ELAVL4: variants seen among roughly 807,000 people sequenced by gnomAD.
ELAVL4 encodes the protein ELAV-like protein 4.
A neutral mutation model predicts 35.6 loss-of-function variants in ELAVL4; 1 was observed. The ratio of observed to expected loss-of-function variants is 0.03; its 90% CI spans 0.01 to 0.13. The LOEUF is 0.13. ELAVL4 is among the 10% of genes least tolerant of loss of function. The pLI is 1.00. For missense variants in ELAVL4, 267 were observed against 464.9 expected (o/e 0.57, Z 3.91); for synonymous variants, 156 against 171.0 (o/e 0.91, Z 0.69).
chr1:50,194,957 A>T (rs756727699), intron 4 of ELAVL4, among the ~76,000 whole-genome samples: 5 of 152,192 alleles, frequency 3.3e-5, no homozygotes, highest in African/African-American at 4.8e-5. Flanking sequence ...GTGAGCCTCA[A>T]TAGGGAATTT....
At chr1:50,074,761 G>A (rs892294757) in intron 1 of ELAVL4, among the ~76,000 whole-genome samples, 14 of 152,142 alleles carry the variant, frequency 9.2e-5, no homozygotes, top group African/African-American at 3.4e-4. Context: ...AGGGGACAGT[G>A]GATCAGTCTG....
At chr1:50,197,590 C>G in intron 6 of ELAVL4, 123 bp downstream of exon 6, 1 of 843,614 alleles carries the variant, frequency 1.2e-6, no homozygotes, top group Non-Finnish European at 1.7e-6. Flanking sequence ...CTTCCACCAG[C>G]ATGTCAAATT....
chr1:50,127,944 C>T (rs1670224116), intron 1 of ELAVL4, among the ~76,000 whole-genome samples: 1 of 152,090 alleles, frequency 6.6e-6, no homozygotes, highest in Non-Finnish European at 1.5e-5. Flanking sequence ...AATAACATGC[C>T]AGGCGTGCCC....
intron 2 of ELAVL4, among the ~76,000 whole-genome samples, chr1:50,172,617 C>T (rs1679223015): frequency 6.6e-6 from 1 of 152,174 alleles, no homozygotes. Flanking sequence ...GCAGAGTTGT[C>T]AGGGACCCTA....
chr1:50,195,046 G>C (rs887226880), intron 4 of ELAVL4, among the ~76,000 whole-genome samples: 2 of 111,330 alleles, frequency 1.8e-5, no homozygotes, highest in African/African-American at 5.8e-5. Context: ...AGCCATGGAA[G>C]GGTATTTTGT....
chr1:50,197,024 G>C (rs1427293847), intron 5 of ELAVL4, among the ~76,000 whole-genome samples: 1 of 152,198 alleles, frequency 6.6e-6, no homozygotes, highest in East Asian at 1.9e-4. Flanking sequence ...GATACATATT[G>C]TGTGCCTGTG....
chr1:50,051,539 G>A (rs1397518922), intron 1 of ELAVL4, among the ~76,000 whole-genome samples: 2 of 152,092 alleles, frequency 1.3e-5, no homozygotes, highest in East Asian at 1.9e-4. Flanking sequence ...AAAAAGTGGG[G>A]CAGTATATAA....
intron 1 of ELAVL4, among the ~76,000 whole-genome samples, chr1:50,091,402 A>G (rs1383893388): frequency 6.6e-6 from 1 of 151,958 alleles, no homozygotes; most frequent in Non-Finnish European, 1.5e-5. Flanking sequence ...TCTCTCCTCC[A>G]CCCCCTGACA....
At chr1:50,161,393 CCTT>C (rs1676784270) in intron 2 of ELAVL4, among the ~76,000 whole-genome samples, 1 of 152,132 alleles carries the variant, frequency 6.6e-6, no homozygotes, top group South Asian at 2.1e-4. Flanking sequence ...TCTGAATACT[CCTT>C]CTTTTTGTAT....
chr1:50,054,774 A>G (rs762750036), intron 1 of ELAVL4, among the ~76,000 whole-genome samples: 15 of 152,158 alleles, frequency 9.9e-5, no homozygotes, highest in Non-Finnish European at 1.9e-4. Flanking sequence ...CCTTTTCCCA[A>G]TCCTTTCTGT....
intron 1 of ELAVL4, among the ~76,000 whole-genome samples, chr1:50,069,673 T>C (rs1349662329): frequency 6.6e-6 from 1 of 152,224 alleles, no homozygotes; most frequent in East Asian, 1.9e-4. Context: ...GGGGTTTATC[T>C]CTGTAATAAT....
chr1:50,060,989 T>TA (rs1482883495), intron 1 of ELAVL4, among the ~76,000 whole-genome samples: 1 of 152,198 alleles, frequency 6.6e-6, no homozygotes, highest in Non-Finnish European at 1.5e-5. Context: ...TCTATACATT[T>TA]AAAAAATCAA....
At chr1:50,182,984 A>G (rs1681277712) in intron 3 of ELAVL4, among the ~76,000 whole-genome samples, 1 of 151,576 alleles carries the variant, frequency 6.6e-6, no homozygotes, top group Non-Finnish European at 1.5e-5. Context: ...CAGCCTCCCG[A>G]GTAGCTGGGA....
chr1:50,191,440 C>T (rs1682647298), intron 3 of ELAVL4, among the ~76,000 whole-genome samples: 2 of 152,024 alleles, frequency 1.3e-5, no homozygotes, highest in South Asian at 4.2e-4. Context: ...CAGTTAACTC[C>T]AAAGAGCCAA....
In ELAVL4 at chr1:50,117,769, T is replaced by A. The variant is rs548153432; in HGVS notation, c.9+8571T>A. Among the ~76,000 whole-genome samples, 38 of 152,266 alleles carry A rather than the reference T, an allele frequency of 2.5e-4. 1 individual carries two copies. Among genetic ancestry groups the A allele is most frequent in the Admixed American group, 9.2e-4 (14 of 15,294 alleles). ...CCCCAGAAAGAGGCCCATCTGCCCA[T>A]GCCAGATGTCCTGGGCAGTGACATT... On this transcript the variant is annotated intron_variant, in intron 1 of 6. Transcript: ENST00000371824.
intron 4 of ELAVL4, among the ~76,000 whole-genome samples, chr1:50,194,757 C>T (rs763944376): frequency 5.9e-4 from 89 of 152,116 alleles, no homozygotes; most frequent in Non-Finnish European, 1.1e-3. Context: ...TGTGCCATGC[C>T]TGGTGGGAAT....
intron 2 of ELAVL4, among the ~76,000 whole-genome samples, chr1:50,169,791 C>G (rs1443496561): frequency 1.3e-5 from 2 of 152,164 alleles, no homozygotes; most frequent in Middle Eastern, 3.2e-3. Flanking sequence ...CTACTCTACT[C>G]AGTCAGAATC....
At chr1:50,125,440 C>T (rs1021850463) in intron 1 of ELAVL4, among the ~76,000 whole-genome samples, 5 of 151,906 alleles carry the variant, frequency 3.3e-5, no homozygotes, top group African/African-American at 1.2e-4. Flanking sequence ...CAATGCCCTA[C>T]TCTGAAAGGC....
At chr1:50,168,103 C>T (rs1315409148) in intron 2 of ELAVL4, among the ~76,000 whole-genome samples, 1 of 152,206 alleles carries the variant, frequency 6.6e-6, no homozygotes, top group Admixed American at 6.5e-5. Flanking sequence ...TGCAACAGCT[C>T]TCCACTTTCG....
Sources: allele counts gnomAD v4.1 joint callset (sites outside exome capture counted in the v4.1 genomes callset), GRCh38; gene constraint gnomAD v4.1.1; transcripts MANE v1.5; gene names NCBI Gene and HGNC (gene_info 2026-07-23, HGNC 2026-07-21).